The following NRG3 variants were observed in gnomAD, a reference collection of about 807,000 sequenced individuals.
NRG3 encodes neuregulin 3, also known as pro-neuregulin-3, membrane-bound isoform.
In NRG3, 31 loss-of-function variants were observed where a neutral mutation model predicts 66.9. The observed-to-expected ratio is 0.46, with a 90% CI of 0.35 to 0.63. NRG3 has a LOEUF of 0.63. Among genes scored for constraint, NRG3 ranks in the 20% least tolerant of loss-of-function variants. The pLI is 0.00. For synonymous variants in NRG3, 393 were observed against 359.4 expected, an observed-to-expected ratio of 1.09 and a Z score of -1.06; for missense variants, 910 against 878.9, an observed-to-expected ratio of 1.04 and a Z score of -0.45.
intron 1 of NRG3, among the ~76,000 whole-genome samples, chr10:81,917,191 ATTAAC>A (rs764149034): frequency 1.3e-5 from 2 of 152,224 alleles, no homozygotes; most frequent in Non-Finnish European, 2.9e-5. Context: ...GTGTACTTAA[ATTAAC>A]TTATTCAAGA....
At chr10:81,894,499 A>G (rs1843332072) in intron 1 of NRG3, among the ~76,000 whole-genome samples, 1 of 152,180 alleles carries the variant, frequency 6.6e-6, no homozygotes. Context: ...ACCCATCCTA[A>G]GAGCTTAATT....
rs146163389 is a variant in NRG3, at chr10:82,198,682, A to G, written c.824-160057A>G. ...ATAAAACATCAGTTCGTGCAAGGCT[A>G]TGATTCTAACTAACGTACTGAAAAT... On this transcript the variant is annotated intron_variant, in intron 1 of 8. Coordinates refer to ENST00000372141, the MANE Select transcript of NRG3 (RefSeq NM_001010848.4). Among the ~76,000 whole-genome samples, 352 of 152,234 alleles carry G rather than the reference A, an allele frequency of 2.3e-3. 3 individuals carry two copies. The highest frequency in any genetic ancestry group is 8.1e-3 in the African/African-American group (336 of 41,558).
intron 3 of NRG3, among the ~76,000 whole-genome samples, chr10:82,806,798 T>C (rs1486564032): frequency 6.6e-6 from 1 of 152,230 alleles, no homozygotes. Flanking sequence ...GTAAGTCTCA[T>C]GTGTTCCTCT....
chr10:82,862,413 A>G (rs2064177881), intron 3 of NRG3, among the ~76,000 whole-genome samples: 1 of 152,232 alleles, frequency 6.6e-6, no homozygotes, highest in Non-Finnish European at 1.5e-5. Context: ...TTCTCATTTT[A>G]ATATCAAAAA....
chr10:82,068,835 G>A (rs751540866), intron 1 of NRG3, among the ~76,000 whole-genome samples: 22 of 152,238 alleles, frequency 1.4e-4, no homozygotes, highest in Non-Finnish European at 2.9e-5. Flanking sequence ...ATAAAGTATG[G>A]AATGAAATAA....
Position 82,543,674 on chromosome 10 carries a change from A to T in NRG3, c.953+184806A>T, listed in dbSNP as rs182963205. Among the ~76,000 whole-genome samples the T allele has an allele frequency of 2.0e-5, 3 of 152,314 alleles. No individual in the cohort carries two copies. In the East Asian group the frequency reaches 5.8e-4, roughly 29 times the overall value. ...CATCTATATTACCTTATTTACATTT[A>T]TAATAGTTCCAAGAGGTAAGTTTTT... On this transcript the variant is annotated intron_variant, in intron 2 of 8. Coordinates refer to ENST00000372141, the MANE Select transcript of NRG3 (RefSeq NM_001010848.4).
rs569856752 is a variant in NRG3, at chr10:82,963,013, G to C, written c.1284+3938G>C. 2.0e-3 allele frequency among the ~76,000 whole-genome samples: 298 copies of C among 152,238 alleles called. 1 individual carries two copies. Among genetic ancestry groups the C allele is most frequent in the Admixed American group, 3.1e-3 (48 of 15,284 alleles). Reference sequence around the variant, plus strand: ...GCTTAGAATACAAACAGAAGAAGTGGTTCCTGATCTCAGGATGTTCAAAGG... The same window carrying C: ...GCTTAGAATACAAACAGAAGAAGTGCTTCCTGATCTCAGGATGTTCAAAGG... On this transcript the variant is annotated intron_variant, in intron 6 of 8. Coordinates refer to ENST00000372141, the MANE Select transcript of NRG3 (RefSeq NM_001010848.4).
intron 3 of NRG3, among the ~76,000 whole-genome samples, chr10:82,849,971 G>A (rs1314490542): frequency 6.6e-6 from 1 of 152,156 alleles, no homozygotes; most frequent in Non-Finnish European, 1.5e-5. Context: ...AACATAGGTA[G>A]GGAGCAAAGG....
intron 2 of NRG3, among the ~76,000 whole-genome samples, chr10:82,636,738 T>C (rs2050224003): frequency 6.6e-6 from 1 of 152,102 alleles, no homozygotes. Context: ...AGGTGGTGAT[T>C]TTATTTTCTT....
At chr10:82,721,770 T>A (rs1052867671) in intron 2 of NRG3, among the ~76,000 whole-genome samples, 1 of 152,154 alleles carries the variant, frequency 6.6e-6, no homozygotes, top group African/African-American at 2.4e-5. Context: ...TATCACTATT[T>A]GAGAGAATAT....
At chr10:82,491,698 A>G (rs1843162597) in intron 2 of NRG3, among the ~76,000 whole-genome samples, 1 of 152,144 alleles carries the variant, frequency 6.6e-6, no homozygotes, top group African/African-American at 2.4e-5. Context: ...ACCACTGAGC[A>G]GCTCAATGAT....
At chr10:82,110,604 GT>G (rs5786531) in intron 1 of NRG3, among the ~76,000 whole-genome samples, 26,415 of 151,508 alleles carry the variant, frequency 0.17, 3,148 homozygotes, top group African/African-American at 0.33. Flanking sequence ...TATTAATATA[GT>G]TTTTTTTTAA....
intron 1 of NRG3, among the ~76,000 whole-genome samples, chr10:82,113,505 A>G (rs1428414530): frequency 6.6e-6 from 1 of 152,148 alleles, no homozygotes; most frequent in Non-Finnish European, 1.5e-5. Flanking sequence ...TTTTACATAA[A>G]AAGATGTGGT....
chr10:82,169,977 C>CT (rs1452858093), intron 1 of NRG3, among the ~76,000 whole-genome samples: 1 of 128,366 alleles, frequency 7.8e-6, no homozygotes, highest in Non-Finnish European at 1.6e-5. Flanking sequence ...GATTTCAAGA[C>CT]TTAAGTTTTT....
chr10:82,824,865 C>A (rs1260714062), intron 3 of NRG3, among the ~76,000 whole-genome samples: 3 of 151,818 alleles, frequency 2.0e-5, no homozygotes, highest in Non-Finnish European at 4.4e-5. Context: ...TACAGGTGTG[C>A]ACGACCATGC....
intron 2 of NRG3, among the ~76,000 whole-genome samples, chr10:82,531,401 C>T (rs1406352877): frequency 3.3e-5 from 5 of 151,710 alleles, no homozygotes; most frequent in South Asian, 2.1e-4. Context: ...AATGACAAAA[C>T]ATTTTTTGTT....
chr10:82,055,118 C>T, intron 1 of NRG3, among the ~76,000 whole-genome samples: 1 of 151,984 alleles, frequency 6.6e-6, no homozygotes, highest in Non-Finnish European at 1.5e-5. Context: ...AAAAGAGCCA[C>T]AGTCTCAGCT....
intron 2 of NRG3, among the ~76,000 whole-genome samples, chr10:82,461,821 T>C (rs1297427707): frequency 6.6e-6 from 1 of 152,126 alleles, no homozygotes; most frequent in East Asian, 1.9e-4. Context: ...AGTAAAACAA[T>C]TGAGCATATA....
chr10:82,104,156 T>A (rs989471369), intron 1 of NRG3, among the ~76,000 whole-genome samples: 3 of 152,200 alleles, frequency 2.0e-5, no homozygotes, highest in Non-Finnish European at 4.4e-5. Context: ...AGTAATTTTC[T>A]TTTTGTATTT....
Sources: allele counts gnomAD v4.1 joint callset (sites outside exome capture counted in the v4.1 genomes callset), GRCh38; gene constraint gnomAD v4.1.1; transcripts MANE v1.5; gene names NCBI Gene and HGNC (gene_info 2026-07-23, HGNC 2026-07-21).